Variants in RRP7A observed in about 807,000 individuals in gnomAD.
RRP7A encodes ribosomal RNA-processing protein 7 homolog A.
RRP7A carries 27 observed loss-of-function variants against 38.4 expected under a neutral mutation model. That is an observed-to-expected ratio of 0.70 (90% CI 0.52 to 0.97). The LOEUF is 0.97. Ranked by LOEUF, RRP7A falls within the 50% of genes least tolerant of loss-of-function variation. RRP7A has a pLI of 0.00. For synonymous variants in RRP7A, 124 were observed against 150.3 expected (o/e 0.83, Z 1.28); for missense variants, 327 against 375.4 (o/e 0.87, Z 1.07).
rs892742587 is a variant in RRP7A at position 42,512,704 on chromosome 22, G to C, written c.*206C>G. On this transcript the variant is annotated 3_prime_UTR_variant, in exon 7 of 7. Transcript: ENST00000323013. The stretch of plus-strand genomic sequence containing the variant: ...CAAGTCCTCCTCTCGGCACGCCTGG[G>C]TCCCCAGGACTGCTGAAGCACAAGA... 3.2e-6 allele frequency: 2 copies of C among 623,126 alleles called. No individual in the cohort carries two copies. The highest frequency in any genetic ancestry group is 3.6e-5 in the African/African-American group (2 of 54,896). 38.6% of individuals were successfully genotyped at this position (623,126 alleles called of 1,614,324 possible). A position where few individuals can be genotyped will look rare whatever the true frequency, so the allele number is the denominator to read the frequency against.
chr22:42,516,426 C>T (rs1453117351), intron 2 of RRP7A: 3 of 461,560 alleles, frequency 6.5e-6, no homozygotes, highest in African/African-American at 6.0e-5. Context: ...TCTCATGCCT[C>T]AGTCTCCCGA....
intron 1 of RRP7A, chr22:42,518,727 G>C (rs1250498533): frequency 1.7e-4 from 82 of 470,836 alleles, no homozygotes; most frequent in Non-Finnish European, 7.1e-5. Flanking sequence ...ACAGTCTGGA[G>C]GCTATATTGA....
chr22:42,515,442 C>T lies in RRP7A; in HGVS notation c.343-174G>A, dbSNP rs536299602. Among the ~76,000 whole-genome samples the T allele has an allele frequency of 2.7e-3, 407 of 152,368 alleles. 4 individuals are homozygous for T. Among genetic ancestry groups the T allele is most frequent in the African/African-American group, 9.4e-3 (393 of 41,588 alleles). On this transcript the variant is annotated intron_variant, in intron 3 of 6. Coordinates refer to ENST00000323013, the MANE Select transcript of RRP7A (RefSeq NM_015703.5). ...ATAATCCAGGTCAGAGGCAGCCACA[C>T]TTCCAGTAATCCTGCTTCTGCGGGA...
intron 2 of RRP7A, among the ~76,000 whole-genome samples, chr22:42,517,614 G>A (rs1359801818): frequency 1.3e-5 from 2 of 152,078 alleles, no homozygotes; most frequent in African/African-American, 2.4e-5. Flanking sequence ...ACACCTCCCG[G>A]GTTCAAGGGA....
At position 42,510,043 on chromosome 22, in the gene RRP7A, C is replaced by T. The variant is rs1932406004; in HGVS notation, c.*2867G>A. The stretch of plus-strand genomic sequence containing the variant: ...GTAGTGGTGCAATCTCAGCTCACTG[C>T]AAGGTCCGCCTCCCGGGTTCACGCC... On this transcript the variant is annotated 3_prime_UTR_variant, in exon 7 of 7. Coordinates refer to ENST00000323013, the MANE Select transcript of RRP7A (RefSeq NM_015703.5). 6.7e-6 allele frequency: 1 copy of T among 149,742 alleles called. No individual in the cohort carries two copies. The highest frequency in any genetic ancestry group is 1.5e-5 in the Non-Finnish European group (1 of 67,896). The allele number at this position is 149,742 out of a possible 1,614,324, so 9.3% of individuals were successfully genotyped here. A position where few individuals can be genotyped will look rare whatever the true frequency, so the allele number is the denominator to read the frequency against.
In RRP7A at chr22:42,510,776, C is replaced by T. The variant is rs1932433895; in HGVS notation, c.*2134G>A. 2.1e-6 allele frequency: 3 copies of T among 1,405,112 alleles called. No individual in the cohort carries two copies. Among genetic ancestry groups the T allele is most frequent in the Admixed American group, 2.4e-5 (1 of 41,282 alleles). The allele number at this position is 1,405,112 out of a possible 1,614,324, so 87.0% of individuals were successfully genotyped here. A position where few individuals can be genotyped will look rare whatever the true frequency, so the allele number is the denominator to read the frequency against. On this transcript the variant is annotated 3_prime_UTR_variant, in exon 7 of 7. Transcript: ENST00000323013. Reference sequence around the variant, plus strand: ...TCCAGCCACTGTCGCCCACTCTGGTCCCACCTCACCCATCTCTTCTCATGC... The same window carrying T: ...TCCAGCCACTGTCGCCCACTCTGGTTCCACCTCACCCATCTCTTCTCATGC...
Position 42,512,653 on chromosome 22 carries a change from G to A in RRP7A, c.*257C>T, listed in dbSNP as rs1462546750. 6.8e-6 allele frequency: 4 copies of A among 591,304 alleles called. No individual in the cohort carries two copies. The highest frequency in any genetic ancestry group is 1.2e-5 in the Non-Finnish European group (4 of 330,800). The allele number at this position is 591,304 out of a possible 1,614,324, so 36.6% of individuals were successfully genotyped here. A position where few individuals can be genotyped will look rare whatever the true frequency, so the allele number is the denominator to read the frequency against. ...ATTCATCCAGGGTCCTGGAGAGGAG[G>A]GTGTGGAGGCAAGAAGCAGGAAGGA... On this transcript the variant is annotated 3_prime_UTR_variant, in exon 7 of 7. Transcript: ENST00000323013.
rs546744380 is a variant in RRP7A at position 42,514,229 on chromosome 22, G to A, written c.634C>T (p.Arg212Trp). The change falls in exon 6 of 7, where the codon CGG (arginine) becomes TGG (tryptophan). Residue 212 changes from arginine to tryptophan, a missense_variant. Physicochemically the swap from Arg to Trp is moderately radical, Grantham distance 101 (BLOSUM62 -3). Transcript: ENST00000323013. The stretch of plus-strand genomic sequence containing the variant: ...GCCTCAGTCCGGGGGAGCACAGGCC[G>A]CCGGCCCCGGCGGGTCACCTTCACC... ...GWVKVTRRGR[R>W]PVLPRTEAAS... 9.1e-5 allele frequency: 147 copies of A among 1,607,230 alleles called. No individual in the cohort carries two copies. The Admixed American group carries it at 1.6e-3, about 17-fold the overall frequency.
intron 2 of RRP7A, among the ~76,000 whole-genome samples, chr22:42,517,794 A>G (rs1920934821): frequency 6.6e-6 from 1 of 152,214 alleles, no homozygotes; most frequent in African/African-American, 2.4e-5. Context: ...TGCTGGGATT[A>G]CAGGCATGAG....
Position 42,510,818 on chromosome 22 carries a change from G to C in RRP7A, c.*2092C>G. The C allele has an allele frequency of 2.3e-6, 3 of 1,277,734 alleles. No homozygotes were observed. The highest frequency in any genetic ancestry group is 3.0e-6 in the Non-Finnish European group (3 of 997,984). 79.1% of individuals were successfully genotyped at this position (1,277,734 alleles called of 1,614,324 possible). ...TTCTCATGCACTGGGAAAGACCCCTGGTCTGCCCCCAGGCCCAACAAGTGA... is the reference window on the plus strand; with the variant it reads ...TTCTCATGCACTGGGAAAGACCCCTCGTCTGCCCCCAGGCCCAACAAGTGA... On this transcript the variant is annotated 3_prime_UTR_variant, in exon 7 of 7. Transcript: ENST00000323013.
At position 42,509,572 on chromosome 22, in the gene RRP7A, C is replaced by A. The variant is rs1334791053; in HGVS notation, c.*3338G>T. 6.7e-6 allele frequency among the ~76,000 whole-genome samples: 1 copy of A among 150,248 alleles called. No individual in the cohort carries two copies. The highest frequency in any genetic ancestry group is 1.5e-5 in the Non-Finnish European group (1 of 67,378). ...GCTCTCCATCTCCTGACCTCATGAT[C>A]CGCCTGCCTCGGCCTCCCAGTGTTG... On this transcript the variant is annotated 3_prime_UTR_variant, in exon 7 of 7. Coordinates refer to ENST00000323013, the MANE Select transcript of RRP7A (RefSeq NM_015703.5).
Position 42,511,551 on chromosome 22 carries a change from G to A in RRP7A, c.*1359C>T. 6.1e-6 allele frequency: 1 copy of A among 163,406 alleles called. No homozygotes were observed. Among genetic ancestry groups the A allele is most frequent in the Non-Finnish European group, 1.3e-5 (1 of 75,422 alleles). The allele number at this position is 163,406 out of a possible 1,614,324, so 10.1% of individuals were successfully genotyped here. ...TCCCTCTGCACCCATCACGCCAGTG[G>A]GCATGCTGGCTGTAGGTGGGGATGG... On this transcript the variant is annotated 3_prime_UTR_variant, in exon 7 of 7. Transcript: ENST00000323013.
At chr22:42,513,292 G>C (rs1195187846) in intron 6 of RRP7A, among the ~76,000 whole-genome samples, 2 of 128,618 alleles carry the variant, frequency 1.6e-5, no homozygotes, top group Non-Finnish European at 3.4e-5. Context: ...TCCCTGCACA[G>C]GGGGAAGGAA....
At position 42,516,322 on chromosome 22, in the gene RRP7A, T is replaced by C. The variant is rs771077159; in HGVS notation, c.217-186A>G. 12 of 766,322 alleles carry C rather than the reference T, an allele frequency of 1.6e-5. No homozygotes were observed. The African/African-American group carries it at 2.1e-4, about 13-fold the overall frequency. 47.5% of individuals were successfully genotyped at this position (766,322 alleles called of 1,614,324 possible). ...CTGTTCCCCAGGGACAATATGGAGG[T>C]TGATATTCCTGCTCTTTTTTTTTTT... On this transcript the variant is annotated intron_variant, in intron 2 of 6. Coordinates refer to ENST00000323013, the MANE Select transcript of RRP7A (RefSeq NM_015703.5).
intron 1 of RRP7A, 61 bp downstream of exon 1, chr22:42,519,653 C>G: frequency 2.2e-6 from 3 of 1,349,700 alleles, no homozygotes; most frequent in Middle Eastern, 1.9e-4. Context: ...CCGTCGCCAA[C>G]CCCCAAACAC....
At position 42,512,564 on chromosome 22, in the gene RRP7A, C is replaced by A; in HGVS notation, c.*346G>T. The A allele has an allele frequency of 7.4e-6, 4 of 539,972 alleles. No individual in the cohort carries two copies. In the South Asian group the frequency reaches 8.8e-5, roughly 12 times the overall value. 33.4% of individuals were successfully genotyped at this position (539,972 alleles called of 1,614,324 possible). On this transcript the variant is annotated 3_prime_UTR_variant, in exon 7 of 7. Transcript: ENST00000323013. Reference sequence around the variant, plus strand: ...ATAAAAGGTTCTTGTATTCTCACTGCTTTTGAGGCTTTTTCGTTGCCAGCA... The same window carrying A: ...ATAAAAGGTTCTTGTATTCTCACTGATTTTGAGGCTTTTTCGTTGCCAGCA...
chr22:42,509,690 A>G lies in RRP7A; in HGVS notation c.*3220T>C, dbSNP rs1932384319. On this transcript the variant is annotated 3_prime_UTR_variant, in exon 7 of 7. Coordinates refer to ENST00000323013, the MANE Select transcript of RRP7A (RefSeq NM_015703.5). Reference sequence around the variant, plus strand: ...AGCACTGACATGGGCTCCAGCATGGATGAGCCTTGAAAACATCGCACTAAG... The same window carrying G: ...AGCACTGACATGGGCTCCAGCATGGGTGAGCCTTGAAAACATCGCACTAAG... Among the ~76,000 whole-genome samples the G allele has an allele frequency of 6.6e-6, 1 of 151,996 alleles. No individual in the cohort carries two copies. The highest frequency in any genetic ancestry group is 1.5e-5 in the Non-Finnish European group (1 of 68,002).
Position 42,509,461 on chromosome 22 carries a change from T to G in RRP7A, c.*3449A>C, listed in dbSNP as rs1932375115. 1.3e-5 allele frequency among the ~76,000 whole-genome samples: 2 copies of G among 150,616 alleles called. No homozygotes were observed. Among genetic ancestry groups the G allele is most frequent in the African/African-American group, 4.9e-5 (2 of 41,232 alleles). On this transcript the variant is annotated 3_prime_UTR_variant, in exon 7 of 7. Transcript: ENST00000323013. ...GATTCTCCTGCCTCAGCCTCCCGAG[T>G]AGCTGGGACTACAGGCGCCCGCCAC...
chr22:42,514,858 T>C (rs866074267), intron 4 of RRP7A, 79 bp from the exon 5 acceptor site: 143 of 1,091,636 alleles, frequency 1.3e-4, no homozygotes, highest in Middle Eastern at 8.0e-4. Context: ...GCCAGGCAAA[T>C]TGGGACCTTT....
Sources: allele counts gnomAD v4.1 joint callset (sites outside exome capture counted in the v4.1 genomes callset), GRCh38; gene constraint gnomAD v4.1.1; transcripts MANE v1.5; gene names NCBI Gene and HGNC (gene_info 2026-07-23, HGNC 2026-07-21).